BCAS1: variants seen among roughly 807,000 people sequenced by gnomAD.
BCAS1 encodes breast carcinoma-amplified sequence 1.
A neutral mutation model predicts 65.4 loss-of-function variants in BCAS1; 46 were observed. That is an observed-to-expected ratio of 0.70 (90% confidence interval 0.55 to 0.90). BCAS1 has a LOEUF of 0.90. Among genes scored for constraint, BCAS1 ranks in the 40% least tolerant of loss-of-function variants. BCAS1 has a pLI of 0.00. For synonymous variants in BCAS1, 298 were observed against 293.5 expected (o/e 1.02, Z -0.16); for missense variants, 793 against 771.2 (o/e 1.03, Z -0.33).
intron 1 of BCAS1, among the ~76,000 whole-genome samples, chr20:54,064,644 G>T (rs1232801325): frequency 1.3e-5 from 2 of 152,170 alleles, no homozygotes; most frequent in Non-Finnish European, 2.9e-5. Flanking sequence ...TCGCTCTCCT[G>T]CATCTCTGGG....
chr20:53,997,251 C>T (rs1391663711), intron 4 of BCAS1, among the ~76,000 whole-genome samples: 1 of 152,348 alleles, frequency 6.6e-6, no homozygotes, highest in East Asian at 1.9e-4. Context: ...GTGCTTTTCT[C>T]AAGTACCAAG....
intron 3 of BCAS1, among the ~76,000 whole-genome samples, chr20:54,034,615 C>T (rs384170): frequency 0.62 from 92,801 of 150,544 alleles, 30,271 homozygotes; most frequent in East Asian, 0.89. Context: ...AATGAACCAG[C>T]GCTCAAAGAA....
intron 4 of BCAS1, among the ~76,000 whole-genome samples, chr20:53,999,344 TA>T (rs1485702748): frequency 6.6e-6 from 1 of 152,218 alleles, no homozygotes; most frequent in Non-Finnish European, 1.5e-5. Flanking sequence ...CTATCTTATC[TA>T]ATCTTTGCCA....
chr20:53,994,888 T>TGCACAC, intron 6 of BCAS1, 124 bp downstream of exon 6: 1 of 556,208 alleles, frequency 1.8e-6, no homozygotes, highest in Non-Finnish European at 3.1e-6. Context: ...ATAGATATGA[T>TGCACAC]ACACACACAC....
At chr20:54,025,804 T>C (rs1207253317) in intron 4 of BCAS1, among the ~76,000 whole-genome samples, 1 of 152,062 alleles carries the variant, frequency 6.6e-6, no homozygotes, top group Non-Finnish European at 1.5e-5. Context: ...TCATGTTACT[T>C]TCTGAGGGTT....
At chr20:54,062,910 G>A (rs2092393103) in intron 1 of BCAS1, among the ~76,000 whole-genome samples, 1 of 152,228 alleles carries the variant, frequency 6.6e-6, no homozygotes, top group Non-Finnish European at 1.5e-5. Context: ...ATTCATCTGG[G>A]TGGGACAAAA....
chr20:53,946,105 G>A (rs111455506), intron 12 of BCAS1, among the ~76,000 whole-genome samples: 5 of 151,776 alleles, frequency 3.3e-5, no homozygotes, highest in Admixed American at 6.6e-5. Context: ...TTACTTTACC[G>A]TTTCTGTCAA....
intron 3 of BCAS1, among the ~76,000 whole-genome samples, chr20:54,053,811 C>G (rs1439526041): frequency 6.6e-6 from 1 of 152,220 alleles, no homozygotes; most frequent in Non-Finnish European, 1.5e-5. Flanking sequence ...TTCAATGTAG[C>G]ATTCCAGCCT....
At chr20:53,958,675 G>A (rs772303478) in intron 10 of BCAS1, among the ~76,000 whole-genome samples, 1 of 152,218 alleles carries the variant, frequency 6.6e-6, no homozygotes, top group African/African-American at 2.4e-5. Context: ...ATTTTTAGTG[G>A]AGTGCTTACT....
At chr20:54,011,606 C>G (rs1302518736) in intron 4 of BCAS1, among the ~76,000 whole-genome samples, 1 of 152,152 alleles carries the variant, frequency 6.6e-6, no homozygotes, top group African/African-American at 2.4e-5. Flanking sequence ...GGGAAGGATG[C>G]AAGAAACTCG....
chr20:53,995,251 G>A (rs1435747260), intron 5 of BCAS1, among the ~76,000 whole-genome samples, 195 bp from the exon 6 acceptor site: 1 of 152,168 alleles, frequency 6.6e-6, no homozygotes, highest in Non-Finnish European at 1.5e-5. Flanking sequence ...ATCTTATAAT[G>A]AGATACATCT....
chr20:53,960,907 C>A (rs2089859904), intron 10 of BCAS1, among the ~76,000 whole-genome samples: 1 of 152,186 alleles, frequency 6.6e-6, no homozygotes, highest in East Asian at 1.9e-4. Context: ...CTATTTAATA[C>A]TTTGAAGAAC....
chr20:53,968,560 A>G, intron 9 of BCAS1, among the ~76,000 whole-genome samples: 1 of 152,226 alleles, frequency 6.6e-6, no homozygotes, highest in South Asian at 2.1e-4. Context: ...CCATCAGTAA[A>G]TCAGCATGCA....
chr20:54,043,336 A>ATT (rs67851543), intron 3 of BCAS1, among the ~76,000 whole-genome samples: 2 of 151,578 alleles, frequency 1.3e-5, no homozygotes, highest in Non-Finnish European at 1.5e-5. Flanking sequence ...GATGACGATG[A>ATT]TTTTTTTTAT....
At chr20:54,042,809 T>C (rs377537312) in intron 3 of BCAS1, among the ~76,000 whole-genome samples, 2 of 152,300 alleles carry the variant, frequency 1.3e-5, no homozygotes, top group East Asian at 3.9e-4. Context: ...AGAGGTGGGA[T>C]TCAAAGTGGA....
chr20:54,014,089 G>T (rs1248280603), intron 4 of BCAS1, among the ~76,000 whole-genome samples: 1 of 152,192 alleles, frequency 6.6e-6, no homozygotes, highest in Non-Finnish European at 1.5e-5. Flanking sequence ...TGTGATGAGA[G>T]TCCAGCCTTC....
chr20:53,949,219 C>T (rs1373098324), intron 12 of BCAS1, among the ~76,000 whole-genome samples: 1 of 152,078 alleles, frequency 6.6e-6, no homozygotes, highest in Non-Finnish European at 1.5e-5. Flanking sequence ...CACACACACA[C>T]ACACCCAGGT....
In BCAS1 at chr20:53,945,059, G is replaced by A. The variant is rs2089267956; in HGVS notation, c.1816-63C>T. 22 of 1,362,992 alleles carry A rather than the reference G, an allele frequency of 1.6e-5. No individual in the cohort carries two copies. In the South Asian group the frequency reaches 2.4e-4, roughly 15 times the overall value. The allele number at this position is 1,362,992 out of a possible 1,614,324, so 84.4% of individuals were successfully genotyped here. On this transcript the variant is annotated intron_variant, in intron 12 of 12. Coordinates refer to ENST00000688948, the MANE Select transcript of BCAS1 (RefSeq NM_001366298.2). ...CTCTGTAATGTCAACAGCAACAATG[G>A]CCATTTATGTAGCACTTACTCTGTG...
rs997381741 is a variant in BCAS1, at chr20:53,943,907, G to A, written c.*1015C>T. 1 of 152,080 alleles carries A rather than the reference G, an allele frequency of 6.6e-6. No individual in the cohort carries two copies. The highest frequency in any genetic ancestry group is 1.5e-5 in the Non-Finnish European group (1 of 68,012). 9.4% of individuals were successfully genotyped at this position (152,080 alleles called of 1,614,324 possible). A position where few individuals can be genotyped will look rare whatever the true frequency, so the allele number is the denominator to read the frequency against. On this transcript the variant is annotated 3_prime_UTR_variant, in exon 13 of 13. Transcript: ENST00000688948. ...TACAGTATTACAGGATAAAAATGGG[G>A]ACCTTGCCGCCCCCTTGTGTTGCAA...
Sources: allele counts gnomAD v4.1 joint callset (sites outside exome capture counted in the v4.1 genomes callset), GRCh38; gene constraint gnomAD v4.1.1; transcripts MANE v1.5; gene names NCBI Gene and HGNC (gene_info 2026-07-23, HGNC 2026-07-21).